Variants in PCDH15 observed in about 807,000 individuals in gnomAD.
The protein encoded by PCDH15 is protocadherin related 15.
In PCDH15, 129 loss-of-function variants were observed where a neutral mutation model predicts 178.5. The observed-to-expected ratio is 0.72, with a 90% CI of 0.63 to 0.84. The LOEUF (loss-of-function observed/expected upper bound fraction) is 0.84. Among genes scored for constraint, PCDH15 ranks in the 40% least tolerant of loss-of-function variants. PCDH15 has a pLI of 0.00. For missense variants in PCDH15, 2,230 were observed against 2,099.9 expected, an observed-to-expected ratio of 1.06 and a Z score of -1.21; for synonymous variants, 800 against 732.0, an observed-to-expected ratio of 1.09 and a Z score of -1.50.
At chr10:54,604,970 T>C (rs955158025) in intron 2 of PCDH15, among the ~76,000 whole-genome samples, 2 of 151,792 alleles carry the variant, frequency 1.3e-5, no homozygotes, top group Non-Finnish European at 2.9e-5. Flanking sequence ...ATGACATGAG[T>C]CTTACATAAA....
At chr10:54,723,151 T>C (rs998242153) in intron 1 of PCDH15, among the ~76,000 whole-genome samples, 3 of 151,662 alleles carry the variant, frequency 2.0e-5, no homozygotes, top group African/African-American at 7.3e-5. Flanking sequence ...AATTATATAA[T>C]ACTATAAGTC....
chr10:55,226,745 T>C (rs1398540085), intron 1 of PCDH15, among the ~76,000 whole-genome samples: 1 of 151,976 alleles, frequency 6.6e-6, no homozygotes, highest in Non-Finnish European at 1.5e-5. Flanking sequence ...AATAAGATAG[T>C]ACAAAATAAC....
intron 2 of PCDH15, among the ~76,000 whole-genome samples, chr10:54,960,239 A>C (rs1838608120): frequency 6.6e-6 from 1 of 152,128 alleles, no homozygotes; most frequent in South Asian, 2.1e-4. Context: ...CCAATAATTC[A>C]AGTTGTGCCT....
intron 2 of PCDH15, among the ~76,000 whole-genome samples, chr10:54,918,836 T>C (rs1296805993): frequency 6.6e-6 from 1 of 152,194 alleles, no homozygotes; most frequent in Non-Finnish European, 1.5e-5. Flanking sequence ...ATAAACCTAA[T>C]TTAAGTTAAA....
chr10:54,946,875 A>G (rs1370251158), intron 2 of PCDH15, among the ~76,000 whole-genome samples: 1 of 151,876 alleles, frequency 6.6e-6, no homozygotes, highest in African/African-American at 2.4e-5. Context: ...AGATAATTCA[A>G]TTCACAAAAC....
At chr10:54,912,070 A>G (rs548382199) in intron 2 of PCDH15, among the ~76,000 whole-genome samples, 1 of 152,232 alleles carries the variant, frequency 6.6e-6, no homozygotes, top group Non-Finnish European at 1.5e-5. Context: ...TTTGAATAAC[A>G]TTAACTTTCT....
At chr10:53,874,303 C>T (rs10825138) in intron 26 of PCDH15, among the ~76,000 whole-genome samples, 116,861 of 151,994 alleles carry the variant, frequency 0.77, 45,685 homozygotes, top group East Asian at 1. Flanking sequence ...ATTTACTTTT[C>T]CCCCTGCTAC....
chr10:53,928,658 T>C (rs1400228602), intron 25 of PCDH15, among the ~76,000 whole-genome samples: 1 of 152,098 alleles, frequency 6.6e-6, no homozygotes, highest in African/African-American at 2.4e-5. Context: ...TAGTTTCATT[T>C]GCATTTAATA....
At chr10:54,220,868 A>ATAAATAAATAAATAAG (rs879938253) in intron 9 of PCDH15, among the ~76,000 whole-genome samples, 9 of 143,202 alleles carry the variant, frequency 6.3e-5, no homozygotes, top group African/African-American at 2.4e-4. Context: ...AAATAAATAA[A>ATAAATAAATAAATAAG]TAAGTAAAAT....
intron 3 of PCDH15, among the ~76,000 whole-genome samples, chr10:54,408,052 C>T (rs373858621): frequency 1.2e-5 from 1 of 83,728 alleles, no homozygotes; most frequent in African/African-American, 4.7e-5. Context: ...GAGACTCTGT[C>T]AAAAAAAAAA....
chr10:54,335,796 G>T (rs1940977855), intron 6 of PCDH15, among the ~76,000 whole-genome samples: 3 of 152,156 alleles, frequency 2.0e-5, no homozygotes, highest in Admixed American at 2.0e-4. Context: ...TGGTAGAGTG[G>T]GGTCCTGCTG....
intron 2 of PCDH15, among the ~76,000 whole-genome samples, chr10:55,619,098 T>A (rs1013885033): frequency 6.6e-6 from 1 of 152,006 alleles, no homozygotes; most frequent in Non-Finnish European, 1.5e-5. Flanking sequence ...AAACCCTGTA[T>A]AACTTGTAAA....
intron 11 of PCDH15, among the ~76,000 whole-genome samples, chr10:54,190,284 T>C (rs1048781258): frequency 1.3e-5 from 2 of 152,232 alleles, no homozygotes; most frequent in African/African-American, 2.4e-5. Flanking sequence ...TCCACTTTTA[T>C]GCTTGAGGCT....
chr10:55,194,803 A>T (rs1439789500), intron 1 of PCDH15, among the ~76,000 whole-genome samples: 1 of 151,978 alleles, frequency 6.6e-6, no homozygotes, highest in East Asian at 1.9e-4. Context: ...AATGAGAAGC[A>T]CTACTGTAAT....
At chr10:54,527,773 T>C in intron 3 of PCDH15, 39 bp downstream of exon 3, 2 of 1,520,920 alleles carry the variant, frequency 1.3e-6, no homozygotes, top group African/African-American at 1.4e-5. Context: ...AAGAAAACCC[T>C]CTTAGATAAG....
intron 9 of PCDH15, among the ~76,000 whole-genome samples, chr10:54,215,635 G>A (rs535085806): frequency 1.8e-4 from 28 of 152,278 alleles, no homozygotes; most frequent in African/African-American, 6.7e-4. Flanking sequence ...ATGGCTCAAA[G>A]TCAAGAAGTC....
rs78457470 is a variant in PCDH15 at position 55,152,786 on chromosome 10, T to C, written c.-80+13790A>G. ...CCTAAGACTGCAGTTAGCAATTGAATAGAAAAATAATTGTAATATTTTAAC... is the reference window on the plus strand; with the variant it reads ...CCTAAGACTGCAGTTAGCAATTGAACAGAAAAATAATTGTAATATTTTAAC... On this transcript the variant is annotated intron_variant, in intron 2 of 5. Transcript: ENST00000458638. 2.6e-4 allele frequency among the ~76,000 whole-genome samples: 40 copies of C among 152,236 alleles called. No individual in the cohort carries two copies. The East Asian group carries it at 7.2e-3, about 27-fold the overall frequency.
At chr10:55,051,595 A>C (rs973164306) in intron 2 of PCDH15, among the ~76,000 whole-genome samples, 8 of 152,084 alleles carry the variant, frequency 5.3e-5, no homozygotes, top group African/African-American at 1.7e-4. Context: ...CTTTCATTTC[A>C]AGTTTGAGAC....
intron 8 of PCDH15, among the ~76,000 whole-genome samples, chr10:54,247,655 A>G (rs1242294841): frequency 6.6e-6 from 1 of 151,864 alleles, no homozygotes; most frequent in Non-Finnish European, 1.5e-5. Context: ...GGGGTAGTAC[A>G]ATAAACAATG....
Sources: allele counts gnomAD v4.1 joint callset (sites outside exome capture counted in the v4.1 genomes callset), GRCh38; gene constraint gnomAD v4.1.1; transcripts MANE v1.5; gene names NCBI Gene and HGNC (gene_info 2026-07-23, HGNC 2026-07-21).